The following RGS22 variants were observed in gnomAD, a reference collection of about 807,000 sequenced individuals.
The protein encoded by RGS22 is regulator of G-protein signaling 22.
A neutral mutation model predicts 172.9 loss-of-function variants in RGS22; 148 were observed. The ratio of observed to expected loss-of-function variants is 0.86; its 90% CI spans 0.75 to 0.98. The LOEUF (loss-of-function observed/expected upper bound fraction) is 0.98, where lower values mean the gene tolerates loss of function less well. Ranked by LOEUF, RGS22 falls within the 50% of genes least tolerant of loss-of-function variation. RGS22 has a pLI of 0.00. For synonymous variants in RGS22, 458 were observed against 480.2 expected (o/e 0.95, Z 0.60); for missense variants, 1,347 against 1,440.8 (o/e 0.93, Z 1.05).
At chr8:100,039,217 G>A (rs1819840157) in intron 13 of RGS22, among the ~76,000 whole-genome samples, 185 bp from the exon 14 acceptor site, 1 of 152,018 alleles carries the variant, frequency 6.6e-6, no homozygotes, top group South Asian at 2.1e-4. Context: ...TATTGTTGCT[G>A]GAAGATTATA....
chr8:100,082,267 G>A (rs923813136), intron 3 of RGS22, among the ~76,000 whole-genome samples: 11 of 152,016 alleles, frequency 7.2e-5, no homozygotes, highest in African/African-American at 2.7e-4. Context: ...GTGCAGGTTT[G>A]TTACATGGGT....
At chr8:99,998,824 C>T (rs1038717972) in intron 19 of RGS22, among the ~76,000 whole-genome samples, 5 of 151,934 alleles carry the variant, frequency 3.3e-5, no homozygotes, top group Non-Finnish European at 5.9e-5. Flanking sequence ...TGCCACCACA[C>T]GTGGCTGACT....
Position 100,052,969 on chromosome 8 carries a change from T to G in RGS22, c.1522A>C (p.Arg508=). 6.2e-7 allele frequency: 1 copy of G among 1,613,530 alleles called. No individual in the cohort carries two copies. The highest frequency in any genetic ancestry group is 8.5e-7 in the Non-Finnish European group (1 of 1,179,744). Residue 508 remains arginine, a synonymous_variant, in exon 10 of 28, where the codon AGA becomes CGA. Coordinates refer to ENST00000360863, the MANE Select transcript of RGS22 (RefSeq NM_015668.5). The part of the protein sequence containing the change: ...LKPLLLYWAP[R]FCVTHSASTK... ...GAGGCTGAATGAGTAACACAGAATCTTGGTGCCCTGTTTATTGGAAAAATA... is the reference window on the plus strand; with the variant it reads ...GAGGCTGAATGAGTAACACAGAATCGTGGTGCCCTGTTTATTGGAAAAATA...
In RGS22 at chr8:100,081,578, T is replaced by C. The variant is rs578015609; in HGVS notation, c.118-1223A>G. On this transcript the variant is annotated intron_variant, in intron 3 of 27. Coordinates refer to ENST00000360863, the MANE Select transcript of RGS22 (RefSeq NM_015668.5). ...GAAAGAATTAGCCATAAATTACATATAAAATTTCTTCAATAGATATATTTC... is the reference window on the plus strand; with the variant it reads ...GAAAGAATTAGCCATAAATTACATACAAAATTTCTTCAATAGATATATTTC... Among the ~76,000 whole-genome samples, 9 of 152,090 alleles carry C rather than the reference T, an allele frequency of 5.9e-5. No individual in the cohort carries two copies. The South Asian group carries it at 1.7e-3, about 28-fold the overall frequency.
intron 9 of RGS22, among the ~76,000 whole-genome samples, chr8:100,061,275 A>G (rs1487844919): frequency 6.6e-6 from 1 of 152,242 alleles, no homozygotes; most frequent in Non-Finnish European, 1.5e-5. Context: ...AAAGATGCCA[A>G]AAGCAATTGC....
At chr8:100,041,770 A>G in intron 12 of RGS22, 32 bp downstream of exon 12, 1 of 1,135,602 alleles carries the variant, frequency 8.8e-7, no homozygotes, top group Non-Finnish European at 1.3e-6. Flanking sequence ...TTAAATGAAG[A>G]ATCAGGTTTA....
rs138192648 is a variant in RGS22, at chr8:100,067,750, G to A, written c.595-1454C>T. Among the ~76,000 whole-genome samples, 848 of 149,574 alleles carry A rather than the reference G, an allele frequency of 5.7e-3. 9 individuals are homozygous for A. The highest frequency in any genetic ancestry group is 0.02 in the African/African-American group (805 of 40,624). On this transcript the variant is annotated intron_variant, in intron 6 of 27. Transcript: ENST00000360863. ...AGCAATTCTCCCACCTCAGCCTCCC[G>A]AGTAGCTGGGATTACAGGCGCCCAC... is the stretch of plus-strand genomic sequence containing the variant.
At chr8:100,071,217 G>A in intron 6 of RGS22, 152 bp downstream of exon 6, 1 of 569,866 alleles carries the variant, frequency 1.8e-6, no homozygotes, top group Non-Finnish European at 2.8e-6. Context: ...GAGCCCGGGA[G>A]ATGGAGGCTG....
chr8:100,001,625 A>C (rs1426703948), intron 18 of RGS22, among the ~76,000 whole-genome samples: 1 of 152,198 alleles, frequency 6.6e-6, no homozygotes, highest in Admixed American at 6.5e-5. Flanking sequence ...TGGTCCAACA[A>C]AATGTTCAAA....
At chr8:100,084,685 A>C (rs986939840) in intron 3 of RGS22, among the ~76,000 whole-genome samples, 1 of 152,196 alleles carries the variant, frequency 6.6e-6, no homozygotes, top group Non-Finnish European at 1.5e-5. Flanking sequence ...CTATGATTCT[A>C]AGATGATAAA....
intron 6 of RGS22, among the ~76,000 whole-genome samples, chr8:100,067,804 T>C (rs1419376050): frequency 6.6e-6 from 1 of 151,754 alleles, no homozygotes; most frequent in African/African-American, 2.4e-5. Flanking sequence ...TTTGTATTTT[T>C]AGTAGAGATG....
chr8:100,051,472 ATTATATATAT>A (rs1821306045), intron 10 of RGS22, among the ~76,000 whole-genome samples: 1 of 100,874 alleles, frequency 9.9e-6, no homozygotes, highest in Admixed American at 1.5e-4. Context: ...ATAAATATAT[ATTATATATAT>A]TTATATATAA....
chr8:100,062,206 T>C (rs1423267506), intron 9 of RGS22, among the ~76,000 whole-genome samples: 1 of 152,116 alleles, frequency 6.6e-6, no homozygotes, highest in Non-Finnish European at 1.5e-5. Context: ...GATATAAGGC[T>C]TAACACCTGG....
At position 100,076,767 on chromosome 8, in the gene RGS22, C is replaced by T. The variant is rs141305234; in HGVS notation, c.339+3367G>A. On this transcript the variant is annotated intron_variant, in intron 4 of 27. Coordinates refer to ENST00000360863, the MANE Select transcript of RGS22 (RefSeq NM_015668.5). ...CAGCACTTTGGGAGGCCGAGGCAGGCGGATCACTTGAGGCCAGGAGTTCGA... is the reference window on the plus strand; with the variant it reads ...CAGCACTTTGGGAGGCCGAGGCAGGTGGATCACTTGAGGCCAGGAGTTCGA... Among the ~76,000 whole-genome samples the T allele has an allele frequency of 5.3e-3, 801 of 152,238 alleles. 5 individuals carry two copies. Among genetic ancestry groups the T allele is most frequent in the African/African-American group, 0.018 (728 of 41,554 alleles).
chr8:100,075,794 A>G (rs964167619), intron 4 of RGS22, among the ~76,000 whole-genome samples: 1 of 152,236 alleles, frequency 6.6e-6, no homozygotes, highest in Admixed American at 6.5e-5. Context: ...CCTCTTAAGA[A>G]CTGCCTAATA....
rs150388933 is a variant in RGS22 at position 99,987,343 on chromosome 8, T to C, written c.3180+115A>G. 1.8e-4 allele frequency: 122 copies of C among 682,150 alleles called. No individual in the cohort carries two copies. In the East Asian group the frequency reaches 3.3e-3, roughly 18 times the overall value. The allele number at this position is 682,150 out of a possible 1,614,324, so 42.3% of individuals were successfully genotyped here. On this transcript the variant is annotated intron_variant, in intron 21 of 27. Coordinates refer to ENST00000360863, the MANE Select transcript of RGS22 (RefSeq NM_015668.5). Reference sequence around the variant, plus strand: ...TATTTATATACTGGTAGGAAGAAGATAGCAAAATTGGGATATCTTATACAA... The same window carrying C: ...TATTTATATACTGGTAGGAAGAAGACAGCAAAATTGGGATATCTTATACAA...
chr8:100,087,906 T>C (rs958689499), intron 3 of RGS22, among the ~76,000 whole-genome samples: 6 of 152,060 alleles, frequency 3.9e-5, no homozygotes, highest in African/African-American at 1.4e-4. Context: ...AATAAATGAG[T>C]TAGGTAATTT....
intron 18 of RGS22, 70 bp downstream of exon 18, chr8:100,002,132 G>T: frequency 8.1e-7 from 1 of 1,238,062 alleles, no homozygotes; most frequent in Non-Finnish European, 1.1e-6. Flanking sequence ...CTTTCAGGTT[G>T]TTGGCAAAAA....
chr8:99,995,414 T>A (rs193179884), intron 20 of RGS22, among the ~76,000 whole-genome samples: 2 of 151,976 alleles, frequency 1.3e-5, no homozygotes, highest in East Asian at 3.9e-4. Flanking sequence ...TCAAACAAAT[T>A]TACAAGAAAA....
Sources: allele counts gnomAD v4.1 joint callset (sites outside exome capture counted in the v4.1 genomes callset), GRCh38; gene constraint gnomAD v4.1.1; transcripts MANE v1.5; gene names NCBI Gene and HGNC (gene_info 2026-07-23, HGNC 2026-07-21).